The following MCF2 variants were observed in gnomAD, a reference collection of about 807,000 sequenced individuals.
The protein encoded by MCF2 is MCF.2 cell line derived transforming sequence, also known as proto-oncogene DBL.
In MCF2, 44 loss-of-function variants were observed where a neutral mutation model predicts 82.5. That is an observed-to-expected ratio of 0.53 (90% CI 0.42 to 0.69). MCF2 has a LOEUF of 0.69. Among genes scored for constraint, MCF2 ranks in the 30% least tolerant of loss-of-function variants. The pLI is 0.00. For missense variants in MCF2, 623 were observed against 663.1 expected (o/e 0.94, Z 0.66); for synonymous variants, 217 against 224.9 (o/e 0.96, Z 0.32).
intron 1 of MCF2, among the ~76,000 whole-genome samples, chrX:139,679,382 T>C (rs1934948126): frequency 8.9e-6 from 1 of 112,447 alleles, no homozygotes; most frequent in Admixed American, 9.4e-5. Flanking sequence ...AAGGAAAGAA[T>C]AGGAATACAA....
intron 19 of MCF2, among the ~76,000 whole-genome samples, chrX:139,592,605 C>T (rs1929619895): frequency 9.0e-6 from 1 of 111,606 alleles, no homozygotes; most frequent in African/African-American, 3.3e-5. Flanking sequence ...TTTGAACCCT[C>T]TCTGACATGG....
intron 1 of MCF2, among the ~76,000 whole-genome samples, chrX:139,689,472 T>G (rs1007007687): frequency 2.7e-5 from 3 of 110,646 alleles, no homozygotes; most frequent in African/African-American, 9.9e-5. Context: ...AACACTCCAG[T>G]GGCTTCCGAT....
chrX:139,590,783 C>A (rs1391607117), intron 19 of MCF2, among the ~76,000 whole-genome samples: 2 of 110,435 alleles, frequency 1.8e-5, no homozygotes, highest in African/African-American at 6.6e-5. Flanking sequence ...ATGAGCCCCC[C>A]AAATGGCCCT....
At chrX:139,701,564 G>A (rs1694315281) in intron 1 of MCF2, among the ~76,000 whole-genome samples, 1 of 111,693 alleles carries the variant, frequency 9.0e-6, no homozygotes, top group Non-Finnish European at 1.9e-5. Context: ...CTGCTGGCCT[G>A]CTTTATATAT....
intron 1 of MCF2, chrX:139,642,379 T>G (rs1172957591): frequency 8.8e-7 from 1 of 1,139,255 alleles, no homozygotes; most frequent in Non-Finnish European, 1.2e-6. Flanking sequence ...AAAACCCTAC[T>G]CAGCAGTTTG....
upstream of MCF2, among the ~76,000 whole-genome samples, chrX:139,643,863 G>A (rs919766574): frequency 3.6e-5 from 4 of 111,619 alleles, no homozygotes; most frequent in Non-Finnish European, 7.5e-5. Context: ...AAAAACTAAC[G>A]TCAGGTGCCA....
chrX:139,614,663 G>A lies in MCF2; in HGVS notation c.1363+218C>T, dbSNP rs1439142536. The stretch of plus-strand genomic sequence containing the variant: ...AGGCTGGAGTACTCAGTACTGAGAC[G>A]TTCACAATTCCTTGTACTGTACTAT... On this transcript the variant is annotated intron_variant, in intron 10 of 24. Transcript: ENST00000370576. Among the ~76,000 whole-genome samples, 3 of 111,070 alleles carry A rather than the reference G, an allele frequency of 2.7e-5. No homozygotes were observed. The East Asian group carries it at 8.5e-4, about 32-fold the overall frequency.
upstream of MCF2, among the ~76,000 whole-genome samples, chrX:139,643,338 C>T (rs1933675259): frequency 8.9e-6 from 1 of 111,810 alleles, no homozygotes; most frequent in African/African-American, 3.2e-5. Flanking sequence ...TACCTAGCTA[C>T]ACAATGGTAG....
intron 1 of MCF2, 56 bp from the exon 2 acceptor site, chrX:139,651,844 G>A: frequency 1.4e-6 from 1 of 701,508 alleles, no homozygotes; most frequent in Non-Finnish European, 2.1e-6. Flanking sequence ...AGCCTTACAT[G>A]ATTTTAGACA....
chrX:139,671,227 A>G (rs1005392129), intron 1 of MCF2, among the ~76,000 whole-genome samples: 6 of 111,813 alleles, frequency 5.4e-5, no homozygotes, highest in African/African-American at 1.3e-4. Flanking sequence ...TTTGTCAGTT[A>G]GGTAGATTGC....
intron 13 of MCF2, 114 bp from the exon 18 acceptor site, chrX:139,605,098 G>C: frequency 3.6e-6 from 1 of 275,719 alleles, no homozygotes; most frequent in Admixed American, 5.2e-5. Flanking sequence ...GAAGTTTTTT[G>C]AATTTTATTT....
upstream of MCF2, among the ~76,000 whole-genome samples, chrX:139,644,549 C>T (rs763697065): frequency 1.8e-5 from 2 of 112,281 alleles, no homozygotes; most frequent in African/African-American, 6.5e-5. Context: ...AACAGGAAAC[C>T]ACTTTTTGCT....
At chrX:139,600,612 GGTAGCA>G (rs770589042) in intron 16 of MCF2, among the ~76,000 whole-genome samples, 1 of 111,673 alleles carries the variant, frequency 9.0e-6, no homozygotes, top group South Asian at 3.8e-4. Context: ...TTATACACAA[GGTAGCA>G]GTTCAAGGAA....
At chrX:139,627,667 C>A (rs925474111) in intron 4 of MCF2, among the ~76,000 whole-genome samples, 20 of 111,508 alleles carry the variant, frequency 1.8e-4, no homozygotes, top group South Asian at 3.8e-4. Flanking sequence ...TACGAAGTAC[C>A]AACTATGTAC....
chrX:139,633,859 G>A (rs1256409417), intron 1 of MCF2, among the ~76,000 whole-genome samples: 1 of 111,139 alleles, frequency 9.0e-6, no homozygotes, highest in Non-Finnish European at 1.9e-5. Flanking sequence ...AATGATACCA[G>A]GAATAAGAGT....
upstream of MCF2, chrX:139,645,626 A>G: frequency 8.3e-7 from 1 of 1,200,939 alleles, no homozygotes; most frequent in Non-Finnish European, 1.1e-6. Flanking sequence ...TCGATCCAGA[A>G]TAATGGTAAA....
At chrX:139,667,387 C>T (rs1314398277) in intron 1 of MCF2, among the ~76,000 whole-genome samples, 1 of 110,963 alleles carries the variant, frequency 9.0e-6, no homozygotes, top group Non-Finnish European at 1.9e-5. Flanking sequence ...GCATTACAGG[C>T]ATGAGCCAGC....
chrX:139,589,838 G>A, exon 20 of MCF2: 1 of 1,185,214 alleles, frequency 8.4e-7, no homozygotes, highest in Non-Finnish European at 1.1e-6. Context: ...GACCAACCTG[G>A]ACAATATAAA....
chrX:139,639,225 A>AT (rs1175178991), intron 1 of MCF2, among the ~76,000 whole-genome samples: 2 of 112,106 alleles, frequency 1.8e-5, no homozygotes, highest in Non-Finnish European at 3.8e-5. Context: ...AGTATAATTC[A>AT]TTTTTGAGAA....
Sources: gnomAD v4.1 joint callset for allele counts (sites outside exome capture counted in the v4.1 genomes callset) on GRCh38, gnomAD v4.1.1 for gene constraint, MANE v1.5 for transcripts, NCBI Gene and HGNC (gene_info 2026-07-23, HGNC 2026-07-21) for gene names.